The following ERC2 variants were observed in gnomAD, a reference collection of about 807,000 sequenced individuals.
ERC2 encodes the protein ERC protein 2.
ERC2 carries 42 observed loss-of-function variants against 114.8 expected under a neutral mutation model. The observed-to-expected ratio is 0.37, with a 90% CI of 0.29 to 0.47. The LOEUF (loss-of-function observed/expected upper bound fraction) is 0.47, where lower values mean the gene tolerates loss of function less well. Ranked by LOEUF, ERC2 falls within the 20% of genes least tolerant of loss-of-function variation. The probability of loss-of-function intolerance (pLI) is 0.99; values close to 1 mark genes in which losing one functional copy is unlikely to be tolerated. For missense variants in ERC2, 939 were observed against 1,150.7 expected (o/e 0.82, Z 2.66); for synonymous variants, 454 against 425.5 (o/e 1.07, Z -0.82).
intron 3 of ERC2, among the ~76,000 whole-genome samples, chr3:56,260,792 C>T (rs2052866979): frequency 6.6e-6 from 1 of 152,188 alleles, no homozygotes; most frequent in African/African-American, 2.4e-5. Flanking sequence ...TGCTGAAACC[C>T]AGCAGCTGCA....
chr3:55,791,776 C>G (rs946795431), intron 14 of ERC2, among the ~76,000 whole-genome samples: 1 of 152,102 alleles, frequency 6.6e-6, no homozygotes, highest in South Asian at 2.1e-4. Context: ...TAAGGACCAG[C>G]TTTAAGAACA....
At chr3:55,993,137 C>T (rs1460600177) in intron 10 of ERC2, among the ~76,000 whole-genome samples, 1 of 152,084 alleles carries the variant, frequency 6.6e-6, no homozygotes, top group East Asian at 1.9e-4. Context: ...CAATGTTTTG[C>T]CTACCCCTTG....
intron 4 of ERC2, among the ~76,000 whole-genome samples, chr3:56,170,591 T>TTTTG (rs1560298497): frequency 1.3e-4 from 3 of 22,482 alleles, no homozygotes; most frequent in South Asian, 6.9e-3. Flanking sequence ...TTCTGTTTTT[T>TTTTG]TTTTTTTTTT....
At chr3:55,987,007 GA>G (rs2070691308) in intron 11 of ERC2, among the ~76,000 whole-genome samples, 1 of 151,858 alleles carries the variant, frequency 6.6e-6, no homozygotes, top group African/African-American at 2.4e-5. Flanking sequence ...ACATGGGAAG[GA>G]AAAACAAAAC....
intron 2 of ERC2, among the ~76,000 whole-genome samples, chr3:56,310,078 G>A (rs2056452783): frequency 6.6e-6 from 1 of 152,112 alleles, no homozygotes; most frequent in South Asian, 2.1e-4. Context: ...GGACTCTCAG[G>A]AATACCAACC....
chr3:56,348,566 T>C (rs1179352128), intron 2 of ERC2, among the ~76,000 whole-genome samples: 1 of 150,076 alleles, frequency 6.7e-6, no homozygotes, highest in African/African-American at 2.4e-5. Flanking sequence ...AAATTAAATA[T>C]ATACAACTTT....
intron 3 of ERC2, among the ~76,000 whole-genome samples, chr3:56,283,072 G>T (rs1168667343): frequency 6.6e-6 from 1 of 152,204 alleles, no homozygotes; most frequent in African/African-American, 2.4e-5. Context: ...TTTCATGATT[G>T]CTCTACCTGT....
In ERC2 at chr3:56,217,475, G is replaced by A. The variant is rs184466542; in HGVS notation, c.1075-43955C>T. Among the ~76,000 whole-genome samples, 527 of 151,908 alleles carry A rather than the reference G, an allele frequency of 3.5e-3. 2 individuals carry two copies. Among genetic ancestry groups the A allele is most frequent in the African/African-American group, 0.012 (479 of 41,324 alleles). ...CAAGGAGAACTACAAACCACTGCTC[G>A]ACAAAATAAAAGAGGATACAAACAA... On this transcript the variant is annotated intron_variant, in intron 3 of 17. Transcript: ENST00000288221.
At chr3:56,015,041 T>C (rs982122937) in intron 8 of ERC2, among the ~76,000 whole-genome samples, 1 of 152,214 alleles carries the variant, frequency 6.6e-6, no homozygotes, top group Admixed American at 6.5e-5. Context: ...AATGTTTAAA[T>C]TGTTACAGGA....
intron 17 of ERC2, among the ~76,000 whole-genome samples, chr3:55,659,637 G>A (rs984614632): frequency 2.0e-5 from 3 of 152,036 alleles, no homozygotes; most frequent in Non-Finnish European, 4.4e-5. Flanking sequence ...TCTTTCAATG[G>A]TTTCCAAGTC....
intron 7 of ERC2, among the ~76,000 whole-genome samples, chr3:56,022,599 T>C (rs1003488526): frequency 1.3e-5 from 2 of 152,198 alleles, no homozygotes; most frequent in African/African-American, 4.8e-5. Context: ...CAAATTGTTA[T>C]GACATTTATA....
intron 2 of ERC2, among the ~76,000 whole-genome samples, chr3:56,396,130 G>A (rs2060298024): frequency 6.6e-6 from 1 of 152,172 alleles, no homozygotes; most frequent in Non-Finnish European, 1.5e-5. Flanking sequence ...CCATTTGGAA[G>A]GCAATTTGGC....
At chr3:56,437,042 G>T (rs919831627) in intron 1 of ERC2, among the ~76,000 whole-genome samples, 4 of 152,020 alleles carry the variant, frequency 2.6e-5, no homozygotes, top group Non-Finnish European at 5.9e-5. Context: ...TTTTATATAT[G>T]TCTTGGCAGT....
At chr3:55,703,231 G>C (rs751472665) in intron 15 of ERC2, among the ~76,000 whole-genome samples, 4 of 152,272 alleles carry the variant, frequency 2.6e-5, no homozygotes, top group Middle Eastern at 6.8e-3. Flanking sequence ...CCACACTCAG[G>C]AAAACAGCCT....
intron 1 of ERC2, among the ~76,000 whole-genome samples, chr3:56,437,065 T>G (rs1283990554): frequency 2.6e-5 from 4 of 152,228 alleles, no homozygotes; most frequent in Admixed American, 2.6e-4. Context: ...TTTCCCAATG[T>G]GATGCTAGGT....
intron 17 of ERC2, among the ~76,000 whole-genome samples, chr3:55,583,051 A>G (rs143138899): frequency 2.6e-4 from 39 of 152,348 alleles, no homozygotes; most frequent in Middle Eastern, 3.4e-3. Context: ...GAAACTAAAC[A>G]TAGTAAGTAC....
intron 14 of ERC2, among the ~76,000 whole-genome samples, chr3:55,801,509 G>A (rs1255978885): frequency 6.6e-6 from 1 of 152,210 alleles, no homozygotes; most frequent in Admixed American, 6.5e-5. Flanking sequence ...ACTGAGTTAA[G>A]AGAAATATTA....
At position 56,434,457 on chromosome 3, in the gene ERC2, G is replaced by A. The variant is rs1180703137; in HGVS notation, c.551C>T (p.Thr184Ile). 1 of 1,614,008 alleles carries A rather than the reference G, an allele frequency of 6.2e-7. No individual in the cohort carries two copies. The highest frequency in any genetic ancestry group is 1.7e-5 in the Admixed American group (1 of 60,022). ...CTTCTTAAGCTCAGGACTCCAGAAAGTCTTAATACTGTTCATGGAAGATCC... is the reference window on the plus strand; with the variant it reads ...CTTCTTAAGCTCAGGACTCCAGAAAATCTTAATACTGTTCATGGAAGATCC... ...KLGSSMNSIK[T>I]FWSPELKKER... The change falls in exon 2 of 18, where the codon ACT (threonine) becomes ATT (isoleucine). Residue 184 changes from threonine to isoleucine, a missense_variant. This residue lies in a region of ERC2 where 281 missense variants were observed against 307.4 expected (regional missense o/e 0.91). Coordinates refer to ENST00000288221, the MANE Select transcript of ERC2 (RefSeq NM_015576.3).
intron 13 of ERC2, among the ~76,000 whole-genome samples, chr3:55,892,770 G>A (rs760694954): frequency 5.3e-5 from 8 of 151,992 alleles, no homozygotes; most frequent in Non-Finnish European, 7.4e-5. Flanking sequence ...TATATGATGA[G>A]AATTTTCTTT....
Sources: gnomAD v4.1 joint callset for allele counts (sites outside exome capture counted in the v4.1 genomes callset) on GRCh38, gnomAD v4.1.1 for gene constraint, gnomAD v4.1.1 regional missense constraint, MANE v1.5 for transcripts, NCBI Gene and HGNC (gene_info 2026-07-23, HGNC 2026-07-21) for gene names.